The following MITF variants were observed in gnomAD, a reference collection of about 807,000 sequenced individuals.
The protein encoded by MITF is microphthalmia-associated transcription factor.
Under a neutral mutation model 60.5 loss-of-function variants are expected in MITF, and 17 were observed. That is an observed-to-expected ratio of 0.28 (90% CI 0.19 to 0.42). MITF has a LOEUF of 0.42. Ranked by LOEUF, MITF falls within the 10% of genes least tolerant of loss-of-function variation. The probability of loss-of-function intolerance (pLI) is 1.00; values close to 1 mark genes in which losing one functional copy is unlikely to be tolerated. For missense variants in MITF, 622 were observed against 683.5 expected (o/e 0.91, Z 1.00); for synonymous variants, 260 against 248.5 (o/e 1.05, Z -0.43).
chr3:69,797,376 T>C (rs772705210), intron 1 of MITF, among the ~76,000 whole-genome samples: 1 of 152,238 alleles, frequency 6.6e-6, no homozygotes, highest in African/African-American at 2.4e-5. Context: ...TCTACTGTTA[T>C]ACTAAAGATC....
At chr3:69,892,995 A>G (rs946442480) in intron 2 of MITF, among the ~76,000 whole-genome samples, 2 of 152,210 alleles carry the variant, frequency 1.3e-5, no homozygotes, top group Admixed American at 6.5e-5. Flanking sequence ...AAGAAGCTCC[A>G]TGGGAAAGAT....
chr3:69,791,718 G>A (rs1213844112), intron 1 of MITF, among the ~76,000 whole-genome samples: 2 of 152,168 alleles, frequency 1.3e-5, no homozygotes, highest in East Asian at 1.9e-4. Context: ...GCAAGTAGAG[G>A]CAAAATACTG....
intron 1 of MITF, among the ~76,000 whole-genome samples, chr3:69,740,476 T>G (rs1182229495): frequency 1.3e-5 from 2 of 152,098 alleles, no homozygotes; most frequent in Non-Finnish European, 2.9e-5. Flanking sequence ...CTTCAGAAAC[T>G]TTTTAGACGA....
At chr3:69,818,302 A>G (rs1189488676) in intron 1 of MITF, among the ~76,000 whole-genome samples, 1 of 152,138 alleles carries the variant, frequency 6.6e-6, no homozygotes, top group African/African-American at 2.4e-5. Context: ...CAACTATACT[A>G]GACTTTTTAT....
intron 1 of MITF, among the ~76,000 whole-genome samples, chr3:69,826,146 A>G (rs117571573): frequency 6.6e-6 from 1 of 152,190 alleles, no homozygotes; most frequent in Non-Finnish European, 1.5e-5. Context: ...ACCAGCCCTC[A>G]GGTAAACTAA....
At chr3:69,770,695 A>G (rs938408965) in intron 1 of MITF, among the ~76,000 whole-genome samples, 2 of 152,224 alleles carry the variant, frequency 1.3e-5, no homozygotes, top group Non-Finnish European at 2.9e-5. Context: ...CTTAGTGTTT[A>G]ATGGAGCACG....
rs200087617 is a variant in MITF at position 69,863,422 on chromosome 3, A to G, written c.105-15712A>G. 2.4e-4 allele frequency among the ~76,000 whole-genome samples: 37 copies of G among 152,346 alleles called. No homozygotes were observed. In the East Asian group the frequency reaches 3.1e-3, roughly 13 times the overall value. On this transcript the variant is annotated intron_variant, in intron 1 of 9. Transcript: ENST00000352241. Reference sequence around the variant, plus strand: ...TCTAAAGTACTGGTGTAAATTGTCAATAGAAATATTTCTTGAGGCGGTGGA... The same window carrying G: ...TCTAAAGTACTGGTGTAAATTGTCAGTAGAAATATTTCTTGAGGCGGTGGA...
chr3:69,763,678 G>A, intron 1 of MITF: 3 of 1,275,930 alleles, frequency 2.4e-6, no homozygotes, highest in Non-Finnish European at 3.0e-6. Flanking sequence ...CCGCCAAAGG[G>A]CCAAGGCAGC....
At position 69,964,938 on chromosome 3, in the gene MITF, A is replaced by C; in HGVS notation, c.1271A>C (p.Gln424Pro). ...SPDLVNRIIK[Q>P]EPVLENCSQD... is the part of the protein sequence containing the mutation. The stretch of plus-strand genomic sequence containing the variant: ...GATTTGGTGAATCGGATCATCAAGC[A>C]AGAACCCGTTCTTGAGAACTGCAGC... Residue 424 changes from glutamine (Q) to proline (P), a missense_variant, in exon 10 of 10, where the codon CAA becomes CCA. By Grantham distance (76) the Gln-to-Pro change is moderately conservative (BLOSUM62 -1). Coordinates refer to ENST00000352241, the MANE Select transcript of MITF (RefSeq NM_001354604.2). 1 of 1,614,126 alleles carries C rather than the reference A, an allele frequency of 6.2e-7. No individual in the cohort carries two copies. Among genetic ancestry groups the C allele is most frequent in the Non-Finnish European group, 8.5e-7 (1 of 1,180,022 alleles).
intron 1 of MITF, among the ~76,000 whole-genome samples, chr3:69,806,684 C>T (rs886064690): frequency 1.3e-5 from 2 of 152,074 alleles, no homozygotes; most frequent in South Asian, 4.2e-4. Context: ...GATAATAATT[C>T]GTGCTGAAGA....
chr3:69,902,656 T>A (rs558689710), intron 2 of MITF, among the ~76,000 whole-genome samples: 3 of 152,354 alleles, frequency 2.0e-5, no homozygotes, highest in Non-Finnish European at 4.4e-5. Flanking sequence ...ATTAGAATGC[T>A]GGTTTCATCT....
chr3:69,903,207 C>T (rs763272791), intron 2 of MITF, among the ~76,000 whole-genome samples: 1 of 152,170 alleles, frequency 6.6e-6, no homozygotes, highest in African/African-American at 2.4e-5. Flanking sequence ...AATCTTTGGA[C>T]TGCTCTGGTG....
chr3:69,927,899 A>G (rs1051292179), intron 2 of MITF, among the ~76,000 whole-genome samples: 8 of 152,252 alleles, frequency 5.3e-5, no homozygotes, highest in African/African-American at 9.6e-5. Context: ...AATTGAATCC[A>G]TGGCCTATGA....
Position 69,902,036 on chromosome 3 carries a change from T to A in MITF, c.354+22653T>A, listed in dbSNP as rs558431114. Among the ~76,000 whole-genome samples, 67 of 152,312 alleles carry A rather than the reference T, an allele frequency of 4.4e-4. 1 individual carries two copies. Among genetic ancestry groups the A allele is most frequent in the African/African-American group, 1.5e-3 (64 of 41,584 alleles). On this transcript the variant is annotated intron_variant, in intron 2 of 9. Transcript: ENST00000352241. ...GTTTGCTTTGCATTGGCAACTGAGC[T>A]GTGGCCACACTCCAACTGGCAGTGG...
At chr3:69,748,981 T>G (rs1020756159) in intron 1 of MITF, among the ~76,000 whole-genome samples, 1 of 152,230 alleles carries the variant, frequency 6.6e-6, no homozygotes, top group African/African-American at 2.4e-5. Context: ...TTGGTACCTT[T>G]ACCATAAAAT....
At chr3:69,759,592 G>A (rs1453278975) in intron 1 of MITF, among the ~76,000 whole-genome samples, 1 of 152,210 alleles carries the variant, frequency 6.6e-6, no homozygotes, top group Non-Finnish European at 1.5e-5. Context: ...ATTTGAAAGT[G>A]GAGAATCCAT....
At chr3:69,923,980 G>C (rs1250613380) in intron 2 of MITF, among the ~76,000 whole-genome samples, 2 of 152,010 alleles carry the variant, frequency 1.3e-5, no homozygotes, top group Non-Finnish European at 2.9e-5. Flanking sequence ...ACCTATGTAA[G>C]CTTAAGTTTC....
intron 1 of MITF, among the ~76,000 whole-genome samples, chr3:69,782,258 C>T (rs2062577578): frequency 6.6e-6 from 1 of 152,152 alleles, no homozygotes; most frequent in African/African-American, 2.4e-5. Flanking sequence ...TTGTTTGGCC[C>T]CCTGACCTGT....
At chr3:69,818,933 C>T (rs921176225) in intron 1 of MITF, among the ~76,000 whole-genome samples, 37 of 152,034 alleles carry the variant, frequency 2.4e-4, no homozygotes, top group African/African-American at 8.5e-4. Flanking sequence ...TACTAATACA[C>T]GTGTATGGAA....
Sources: allele counts gnomAD v4.1 joint callset (sites outside exome capture counted in the v4.1 genomes callset), GRCh38; gene constraint gnomAD v4.1.1; transcripts MANE v1.5; gene names NCBI Gene and HGNC (gene_info 2026-07-23, HGNC 2026-07-21).